Variants in TSPAN19 observed in about 807,000 individuals in gnomAD.
TSPAN19 encodes tetraspanin 19.
Under a neutral mutation model 35.1 loss-of-function variants are expected in TSPAN19, and 44 were observed. The observed-to-expected ratio is 1.25, with a 90% CI of 0.98 to 1.61. TSPAN19 has a LOEUF of 1.61. TSPAN19 is among the 40% of genes most tolerant of loss of function. The probability of loss-of-function intolerance (pLI) is 0.00; values close to 1 mark genes in which losing one functional copy is unlikely to be tolerated. For missense variants in TSPAN19, 290 were observed against 280.0 expected (o/e 1.04, Z -0.26); for synonymous variants, 79 against 92.0 (o/e 0.86, Z 0.81).
chr12:85,023,492 T>C, intron 4 of TSPAN19, 92 bp from the exon 5 acceptor site: 2 of 1,036,516 alleles, frequency 1.9e-6, no homozygotes, highest in Non-Finnish European at 1.4e-6. Flanking sequence ...ATTGGAAATA[T>C]GCAACCATAA....
chr12:85,016,122 C>T (rs952214441), intron 7 of TSPAN19, 151 bp from the exon 8 acceptor site: 1 of 509,224 alleles, frequency 2.0e-6, no homozygotes, highest in Non-Finnish European at 3.4e-6. Flanking sequence ...ACTTTTAGTC[C>T]AGAAAGCTTT....
intron 7 of TSPAN19, 73 bp from the exon 8 acceptor site, chr12:85,016,044 A>C (rs1876775951): frequency 2.0e-6 from 2 of 977,430 alleles, no homozygotes; most frequent in South Asian, 1.7e-5. Context: ...ACAAAAAATA[A>C]AAGGTAAACA....
intron 1 of TSPAN19, among the ~76,000 whole-genome samples, chr12:85,035,933 C>A (rs1877986339): frequency 6.6e-6 from 1 of 151,152 alleles, no homozygotes; most frequent in Non-Finnish European, 1.5e-5. Flanking sequence ...TTTTTCTTTT[C>A]TTTTCTTTTT....
At chr12:85,035,532 G>A (rs1877941770) in intron 1 of TSPAN19, among the ~76,000 whole-genome samples, 2 of 151,976 alleles carry the variant, frequency 1.3e-5, no homozygotes, top group Admixed American at 1.3e-4. Context: ...TTGTTACCAG[G>A]AAATGTAGTC....
chr12:85,025,290 C>A (rs1877344797), intron 4 of TSPAN19, among the ~76,000 whole-genome samples: 1 of 151,608 alleles, frequency 6.6e-6, no homozygotes, highest in Admixed American at 6.6e-5. Flanking sequence ...TGCCCACCAC[C>A]ACACCAGGCT....
chr12:85,018,635 C>A (rs1387534278), intron 6 of TSPAN19, among the ~76,000 whole-genome samples: 2 of 151,836 alleles, frequency 1.3e-5, no homozygotes, highest in African/African-American at 4.8e-5. Flanking sequence ...CATTTCAATT[C>A]TCTTAAAATG....
chr12:85,031,107 G>A (rs1301288788), intron 1 of TSPAN19, among the ~76,000 whole-genome samples: 1 of 152,008 alleles, frequency 6.6e-6, no homozygotes, highest in Non-Finnish European at 1.5e-5. Context: ...CTACTTTATC[G>A]TAAACCATCT....
intron 1 of TSPAN19, among the ~76,000 whole-genome samples, chr12:85,034,077 A>C (rs536939336): frequency 2.2e-4 from 33 of 152,212 alleles, no homozygotes; most frequent in African/African-American, 7.2e-4. Flanking sequence ...GGGAGGGAGC[A>C]CAAAGAGAGT....
In TSPAN19 at chr12:85,029,943, A is replaced by G; in HGVS notation, c.4T>C (p.Leu2=). ...ATAATTATTGTTTTGTTATTTCTTA[A>G]CATTCTTTTTCTTCCAAGATATTGA... The part of the protein sequence containing the change: M[L]RNNKTIIIKY... Residue 2 remains leucine, a synonymous_variant, in exon 2 of 9, where the codon TTA becomes CTA. Coordinates refer to ENST00000532498, the MANE Select transcript of TSPAN19 (RefSeq NM_001100917.2). The G allele has an allele frequency of 6.9e-7, 1 of 1,450,056 alleles. No individual in the cohort carries two copies. The highest frequency in any genetic ancestry group is 1.3e-5 in the South Asian group (1 of 76,014). 89.8% of individuals were successfully genotyped at this position (1,450,056 alleles called of 1,614,324 possible).
intron 5 of TSPAN19, among the ~76,000 whole-genome samples, chr12:85,021,126 C>T (rs139460567): frequency 2.0e-3 from 301 of 151,936 alleles, no homozygotes; most frequent in African/African-American, 4.0e-3. Flanking sequence ...CTCAATAATA[C>T]CAAAAGGTAG....
chr12:85,023,401 C>G lies in TSPAN19; in HGVS notation c.265-1G>C. On this transcript the variant is annotated splice_acceptor_variant, in intron 4 of 8. Transcript: ENST00000532498. LOFTEE classifies it high-confidence loss of function. ...AGGTCCATGTTATCAATACTGCATA[C>G]TAAAACAAAAGAAAAATAGAGATGA... 6.4e-7 allele frequency: 1 copy of G among 1,572,262 alleles called. No individual in the cohort carries two copies. Among genetic ancestry groups the G allele is most frequent in the Non-Finnish European group, 8.6e-7 (1 of 1,157,470 alleles).
chr12:85,021,057 T>C (rs1877095399), intron 5 of TSPAN19, among the ~76,000 whole-genome samples: 1 of 152,094 alleles, frequency 6.6e-6, no homozygotes, highest in African/African-American at 2.4e-5. Context: ...ACGATTGTCG[T>C]AGTAACTTAA....
chr12:85,033,998 T>C (rs1409330798), intron 1 of TSPAN19, among the ~76,000 whole-genome samples: 1 of 152,022 alleles, frequency 6.6e-6, no homozygotes, highest in Non-Finnish European at 1.5e-5. Flanking sequence ...GAATGGGGAA[T>C]GGGATGGAAA....
chr12:85,026,098 A>C (rs1304809954), intron 4 of TSPAN19, among the ~76,000 whole-genome samples: 1 of 152,094 alleles, frequency 6.6e-6, no homozygotes, highest in African/African-American at 2.4e-5. Context: ...AGATGCCATT[A>C]ATGCTTGAAT....
intron 4 of TSPAN19, 87 bp downstream of exon 4, chr12:85,027,812 T>C: frequency 7.6e-7 from 1 of 1,309,078 alleles, no homozygotes; most frequent in South Asian, 1.4e-5. Context: ...TGCAGTGCCA[T>C]GCTAATATAA....
chr12:85,023,834 C>G (rs752977389), intron 4 of TSPAN19, among the ~76,000 whole-genome samples: 1 of 152,244 alleles, frequency 6.6e-6, no homozygotes, highest in South Asian at 2.1e-4. Flanking sequence ...TAATTCTTTA[C>G]GTATACTTGG....
At position 85,017,564 on chromosome 12, in the gene TSPAN19, C is replaced by T. The variant is rs773581873; in HGVS notation, c.486G>A (p.Trp162Ter). The change falls in exon 7 of 9, where the codon TGG (tryptophan) becomes TGA (stop). Residue 162 changes from tryptophan (W) to a stop codon, truncating the protein, a stop_gained. Transcript: ENST00000532498. LOFTEE classifies it high-confidence loss of function. ...AATTTTCTTTGTTCTTATTCTTTAT[C>T]CAGTCTGTGTAATTATGTTGGCCAC... ...QCCGQHNYTD[W>*]IKNKNKENSG... 12 of 1,591,112 alleles carry T rather than the reference C, an allele frequency of 7.5e-6. No homozygotes were observed. In the South Asian group the frequency reaches 1.4e-4, roughly 18 times the overall value.
intron 1 of TSPAN19, among the ~76,000 whole-genome samples, chr12:85,034,658 C>A (rs1018048830): frequency 3.3e-5 from 5 of 152,164 alleles, no homozygotes; most frequent in Non-Finnish European, 7.4e-5. Context: ...CTGCTAAATA[C>A]TACATGGTTG....
Position 85,014,343 on chromosome 12 carries a change from A to G in TSPAN19, c.*144T>C, listed in dbSNP as rs1228660878. On this transcript the variant is annotated 3_prime_UTR_variant, in exon 9 of 9. Coordinates refer to ENST00000532498, the MANE Select transcript of TSPAN19 (RefSeq NM_001100917.2). ...AATTTCATGAATGTTTTATTATAGT[A>G]TTCAGTAATTCAATATTACATATAA... The G allele has an allele frequency of 1.5e-5, 8 of 549,336 alleles. No individual in the cohort carries two copies. Among genetic ancestry groups the G allele is most frequent in the Non-Finnish European group, 2.6e-5 (8 of 310,832 alleles). 34.0% of individuals were successfully genotyped at this position (549,336 alleles called of 1,614,324 possible).
Sources: gnomAD v4.1 joint callset for allele counts (sites outside exome capture counted in the v4.1 genomes callset) on GRCh38, gnomAD v4.1.1 for gene constraint, MANE v1.5 for transcripts, NCBI Gene and HGNC (gene_info 2026-07-23, HGNC 2026-07-21) for gene names.